The following GRM8 variants were observed in gnomAD, a reference collection of about 807,000 sequenced individuals.
The protein encoded by GRM8 is glutamate metabotropic receptor 8, also known as metabotropic glutamate receptor 8.
GRM8 carries 47 observed loss-of-function variants against 87.2 expected under a neutral mutation model. The observed-to-expected ratio is 0.54, with a 90% CI of 0.43 to 0.69. The LOEUF (loss-of-function observed/expected upper bound fraction) is 0.69. Ranked by LOEUF, GRM8 falls within the 30% of genes least tolerant of loss-of-function variation. GRM8 has a pLI of 0.00. For missense variants in GRM8, 1,019 were observed against 1,139.2 expected (o/e 0.89, Z 1.52); for synonymous variants, 396 against 404.5 (o/e 0.98, Z 0.25).
intron 6 of GRM8, among the ~76,000 whole-genome samples, chr7:126,839,574 T>A (rs1339730502): frequency 6.6e-6 from 1 of 152,150 alleles, no homozygotes; most frequent in Non-Finnish European, 1.5e-5. Context: ...AATCTGATAC[T>A]GAGAATTACA....
intron 3 of GRM8, among the ~76,000 whole-genome samples, chr7:127,054,215 ACTATT>A (rs1175872080): frequency 6.6e-6 from 1 of 152,156 alleles, no homozygotes; most frequent in East Asian, 1.9e-4. Flanking sequence ...GAAATTTCTT[ACTATT>A]CACTGTTATG....
chr7:126,801,409 T>C (rs1822669621), intron 6 of GRM8, among the ~76,000 whole-genome samples: 1 of 69,886 alleles, frequency 1.4e-5, no homozygotes, highest in African/African-American at 3.3e-5. Flanking sequence ...TCTATAATTA[T>C]TAACTTAAAG....
In GRM8 at chr7:127,223,476, C is replaced by T. The variant is rs748186462; in HGVS notation, c.510+19219G>A. On this transcript the variant is annotated intron_variant, in intron 2 of 10. Coordinates refer to ENST00000339582, the MANE Select transcript of GRM8 (RefSeq NM_000845.3). The stretch of plus-strand genomic sequence containing the variant: ...ACACACACACACACACACACACACA[C>T]ACACACACACAAAACTGTGGACCCA... Among the ~76,000 whole-genome samples the T allele has an allele frequency of 7.5e-4, 89 of 118,742 alleles. 3 individuals are homozygous for T. The highest frequency in any genetic ancestry group is 5.8e-4 in the Non-Finnish European group (33 of 56,500). 77.9% of individuals were successfully genotyped at this position (118,742 alleles called of 152,430 possible).
chr7:126,589,228 C>A (rs369897385), intron 8 of GRM8, among the ~76,000 whole-genome samples: 3 of 152,098 alleles, frequency 2.0e-5, no homozygotes, highest in African/African-American at 7.2e-5. Flanking sequence ...TAGCCTGGGG[C>A]AAGTTCTTAG....
intron 7 of GRM8, among the ~76,000 whole-genome samples, chr7:126,696,024 C>T (rs1006934009): frequency 6.6e-6 from 1 of 152,090 alleles, no homozygotes; most frequent in African/African-American, 2.4e-5. Flanking sequence ...AGCTTTCTGG[C>T]TTTTACAACC....
chr7:127,073,304 T>C (rs560323978), intron 3 of GRM8, among the ~76,000 whole-genome samples: 24 of 152,206 alleles, frequency 1.6e-4, no homozygotes, highest in Middle Eastern at 3.4e-3. Context: ...AGCGGAGTAA[T>C]GGTCCATGAC....
At chr7:126,540,846 A>C (rs1455157977) in intron 8 of GRM8, among the ~76,000 whole-genome samples, 4 of 152,222 alleles carry the variant, frequency 2.6e-5, no homozygotes, top group Non-Finnish European at 5.9e-5. Flanking sequence ...TTGGTGATGG[A>C]TGTGCAACAC....
chr7:126,511,445 T>C (rs953853435), intron 9 of GRM8: 1 of 152,166 alleles, frequency 6.6e-6, no homozygotes, highest in Admixed American at 6.5e-5. Flanking sequence ...GGCAATTTTA[T>C]ATACCTCTTG....
At chr7:127,223,443 G>A (rs201556352) in intron 2 of GRM8, among the ~76,000 whole-genome samples, 28 of 144,064 alleles carry the variant, frequency 1.9e-4, no homozygotes, top group East Asian at 7.0e-4. Flanking sequence ...ACACACACAC[G>A]CACACACACA....
At chr7:126,600,962 G>C (rs1425909099) in intron 8 of GRM8, among the ~76,000 whole-genome samples, 1 of 151,742 alleles carries the variant, frequency 6.6e-6, no homozygotes, top group Non-Finnish European at 1.5e-5. Flanking sequence ...TTAAGTTTTA[G>C]GGTACATGTG....
rs552653355 is a variant in GRM8 at position 126,790,150 on chromosome 7, G to A, written c.1157-20085C>T. Among the ~76,000 whole-genome samples, 5 of 152,174 alleles carry A rather than the reference G, an allele frequency of 3.3e-5. No homozygotes were observed. In the South Asian group the frequency reaches 1.0e-3, roughly 32 times the overall value. ...AGCCTCCTGAGGAGCTGGGATTACA[G>A]GCGTGCACCACAATGCTCAGCTAAT... is the stretch of plus-strand genomic sequence containing the variant. On this transcript the variant is annotated intron_variant, in intron 6 of 10. Coordinates refer to ENST00000339582, the MANE Select transcript of GRM8 (RefSeq NM_000845.3).
intron 7 of GRM8, among the ~76,000 whole-genome samples, chr7:126,631,183 A>G (rs77732588): frequency 0.016 from 2,374 of 152,298 alleles, 48 homozygotes; most frequent in African/African-American, 0.042. Context: ...CCACTACTGC[A>G]AAGTCTCATG....
chr7:126,872,724 T>C (rs974502739), intron 6 of GRM8, among the ~76,000 whole-genome samples: 1 of 152,106 alleles, frequency 6.6e-6, no homozygotes, highest in Non-Finnish European at 1.5e-5. Flanking sequence ...CAAAACCAGA[T>C]ACTCTCAGCA....
At chr7:127,181,496 C>T (rs754956544) in intron 2 of GRM8, among the ~76,000 whole-genome samples, 5 of 151,766 alleles carry the variant, frequency 3.3e-5, no homozygotes, top group African/African-American at 4.8e-5. Context: ...GAAAAACATT[C>T]TAAAATTCAT....
Position 126,761,249 on chromosome 7 carries a change from T to C in GRM8, c.1357+8616A>G, listed in dbSNP as rs574201907. Among the ~76,000 whole-genome samples the C allele has an allele frequency of 4.0e-4, 50 of 125,032 alleles. No homozygotes were observed. In the East Asian group the frequency reaches 6.3e-3, roughly 16 times the overall value. 82.0% of individuals were successfully genotyped at this position (125,032 alleles called of 152,430 possible). ...GATGAAATAGAAAGTAGTGTCAAGT[T>C]GATATATCAATAGTATATATACTAA... On this transcript the variant is annotated intron_variant, in intron 7 of 10. Transcript: ENST00000339582.
At chr7:126,624,573 C>G (rs1312348700) in intron 7 of GRM8, among the ~76,000 whole-genome samples, 3 of 152,130 alleles carry the variant, frequency 2.0e-5, no homozygotes, top group African/African-American at 7.2e-5. Context: ...GGATGATATG[C>G]CTGTGATTGT....
At chr7:126,991,287 T>C (rs904160720) in intron 3 of GRM8, among the ~76,000 whole-genome samples, 1 of 152,124 alleles carries the variant, frequency 6.6e-6, no homozygotes, top group Admixed American at 6.5e-5. Flanking sequence ...AAACAGCAAA[T>C]CTCTGTTTGT....
At chr7:126,846,574 GAAT>G (rs1268998378) in intron 6 of GRM8, among the ~76,000 whole-genome samples, 1 of 152,192 alleles carries the variant, frequency 6.6e-6, no homozygotes, top group Non-Finnish European at 1.5e-5. Context: ...CCCTGGAGTT[GAAT>G]AATATGTCCC....
intron 7 of GRM8, among the ~76,000 whole-genome samples, chr7:126,646,657 C>A (rs2151224641): frequency 6.6e-6 from 1 of 152,244 alleles, no homozygotes; most frequent in South Asian, 2.1e-4. Flanking sequence ...CCAAGGCTCA[C>A]CACACACTGG....
Sources: gnomAD v4.1 joint callset for allele counts (sites outside exome capture counted in the v4.1 genomes callset) on GRCh38, gnomAD v4.1.1 for gene constraint, MANE v1.5 for transcripts, NCBI Gene and HGNC (gene_info 2026-07-23, HGNC 2026-07-21) for gene names.